SLC25A41: variants seen among roughly 807,000 people sequenced by gnomAD.
SLC25A41 encodes solute carrier family 25 member 41.
In SLC25A41, 35 loss-of-function variants were observed where a neutral mutation model predicts 34.7. The observed-to-expected ratio is 1.01, with a 90% confidence interval of 0.77 to 1.34. The LOEUF (loss-of-function observed/expected upper bound fraction) is 1.34, where lower values mean the gene tolerates loss of function less well. SLC25A41 is among the 40% of genes most tolerant of loss of function. The pLI is 0.00. For missense variants in SLC25A41, 492 were observed against 489.8 expected (o/e 1.00, Z -0.04); for synonymous variants, 190 against 209.9 (o/e 0.91, Z 0.82).
In SLC25A41 at chr19:6,433,641, A is replaced by G; in HGVS notation, c.53T>C (p.Leu18Pro). 2 of 1,605,586 alleles carry G rather than the reference A, an allele frequency of 1.2e-6. No individual in the cohort carries two copies. The highest frequency in any genetic ancestry group is 1.7e-6 in the Non-Finnish European group (2 of 1,174,498). The stretch of plus-strand genomic sequence containing the variant: ...GAGTAAGGTCTTGACCCTCCTAAAC[A>G]GTGTCTGGATCCTAGAGCAAGTGTT... Reference protein sequence around the residue: ...PQNTCSRIQTLFRRVKTLLIK... With the variant: ...PQNTCSRIQTPFRRVKTLLIK... Residue 18 changes from leucine (L) to proline (P), a missense_variant, in exon 1 of 7, where the codon CTG becomes CCG. By Grantham distance (98) the Leu-to-Pro change is moderately conservative. Transcript: ENST00000321510.
chr19:6,433,625 C>T lies in SLC25A41; in HGVS notation c.69G>A (p.Lys23=). ...GAGGCGGGGCTTTGATGAGTAAGGT[C>T]TTGACCCTCCTAAACAGTGTCTGGA... ...SRIQTLFRRV[K]TLLIKAPPPP... The change falls in exon 1 of 7, where the codon AAG becomes AAA. Residue 23 remains lysine, a synonymous_variant. Transcript: ENST00000321510. The T allele has an allele frequency of 6.2e-7, 1 of 1,610,836 alleles. No homozygotes were observed. Among genetic ancestry groups the T allele is most frequent in the Non-Finnish European group, 8.5e-7 (1 of 1,178,398 alleles).
At position 6,427,541 on chromosome 19, in the gene SLC25A41, T is replaced by G; in HGVS notation, c.625-40A>C. The stretch of plus-strand genomic sequence containing the variant: ...GAACAAGGCAGCTCATTTGATTGAA[T>G]CCTGTCAATGACCCTCGGGGTAGCC... On this transcript the variant is annotated intron_variant, in intron 4 of 6. Transcript: ENST00000321510. The surrounding 1 kb of genome is among the most constrained non-coding windows in gnomAD (Gnocchi z 4.9). 1 of 1,460,854 alleles carries G rather than the reference T, an allele frequency of 6.8e-7. No homozygotes were observed. 90.5% of individuals were successfully genotyped at this position (1,460,854 alleles called of 1,614,324 possible).
rs1021544026 is a variant in SLC25A41 at position 6,430,097 on chromosome 19, C to T, written c.428G>A (p.Gly143Asp). The T allele has an allele frequency of 5.6e-6, 9 of 1,613,360 alleles. No individual in the cohort carries two copies. In the Admixed American group the frequency reaches 1.3e-4, roughly 24 times the overall value. Residue 143 changes from glycine to aspartate, a missense_variant, in exon 3 of 7, where the codon GGC becomes GAC. By Grantham distance (94) the Gly-to-Asp change is moderately conservative (BLOSUM62 -1). Coordinates refer to ENST00000321510, the MANE Select transcript of SLC25A41 (RefSeq NM_173637.4). ...GCCCCGCCACAGGGAGCGGAAGCCG[C>T]CCTCCTGGACCATGCTCTGTAGCCC... The part of the protein sequence containing the change: ...LGGLQSMVQE[G>D]GFRSLWRGNG...
At chr19:6,431,187 A>G (rs1023509745) in intron 2 of SLC25A41, among the ~76,000 whole-genome samples, 1 of 151,676 alleles carries the variant, frequency 6.6e-6, no homozygotes, top group African/African-American at 2.4e-5. Flanking sequence ...TATATTGCCC[A>G]GCTGGTCTCA....
chr19:6,435,634 A>T (rs1302761018), upstream of SLC25A41, among the ~76,000 whole-genome samples: 1 of 152,058 alleles, frequency 6.6e-6, no homozygotes, highest in African/African-American at 2.4e-5. Context: ...AGGCGGGAGG[A>T]TCACTTGAGT....
chr19:6,427,336 C>T lies in SLC25A41; in HGVS notation c.790G>A (p.Glu264Lys). Residue 264 changes from glutamate to lysine, a missense_variant and splice_region_variant, in exon 5 of 7, where the codon GAG (glutamate) becomes AAG (lysine). Glu to Lys is a moderately conservative substitution (Grantham distance 56). Coordinates refer to ENST00000321510, the MANE Select transcript of SLC25A41 (RefSeq NM_173637.4). The surrounding 1 kb of genome is among the most constrained non-coding windows in gnomAD (Gnocchi z 4.9). ...PYACTDLAVY[E>K]MLQCFWVKSG... is the part of the protein sequence containing the mutation. ...CACCCCCTCTGCAGGACCCATACCT[C>T]ATAGACAGCCAGGTCGGTGCAGGCA... 1 of 1,605,804 alleles carries T rather than the reference C, an allele frequency of 6.2e-7. No homozygotes were observed. The highest frequency in any genetic ancestry group is 1.7e-5 in the Admixed American group (1 of 59,596).
chr19:6,427,934 C>T lies in SLC25A41; in HGVS notation c.625-433G>A, dbSNP rs2092251646. Among the ~76,000 whole-genome samples, 2 of 152,144 alleles carry T rather than the reference C, an allele frequency of 1.3e-5. No homozygotes were observed. Among genetic ancestry groups the T allele is most frequent in the Non-Finnish European group, 2.9e-5 (2 of 68,026 alleles). Reference sequence around the variant, plus strand: ...GAAGGGAGGCGAGAAAACATGCCCTCAAGCCTCAAAAATTGAAGACAGCTG... The same window carrying T: ...GAAGGGAGGCGAGAAAACATGCCCTTAAGCCTCAAAAATTGAAGACAGCTG... On this transcript the variant is annotated intron_variant, in intron 4 of 6. Coordinates refer to ENST00000321510, the MANE Select transcript of SLC25A41 (RefSeq NM_173637.4). This position sits in a 1 kb window ranked among gnomAD's most constrained non-coding sequence, Gnocchi z 4.9.
chr19:6,433,446 C>T (rs764488245), intron 1 of SLC25A41, 41 bp downstream of exon 1: 1 of 1,595,104 alleles, frequency 6.3e-7, no homozygotes, highest in Admixed American at 1.7e-5. Flanking sequence ...CCCTGTAGTC[C>T]TGACCAGAGG....
At chr19:6,429,096 TAC>T (rs375199979) in intron 4 of SLC25A41, among the ~76,000 whole-genome samples, 633 of 16,458 alleles carry the variant, frequency 0.038, 171 homozygotes, top group African/African-American at 0.18. Flanking sequence ...ATATATATGT[TAC>T]ATATATATAT....
At position 6,426,207 on chromosome 19, in the gene SLC25A41, C is replaced by T. The variant is rs1237238326; in HGVS notation, c.*182G>A. On this transcript the variant is annotated 3_prime_UTR_variant, in exon 7 of 7. Transcript: ENST00000321510. ...TGACCCAGCACTGCCCCCCTCCACC[C>T]ACCACCAACCCCAGCTTCAGGAATC... 6.4e-6 allele frequency: 4 copies of T among 628,990 alleles called. No homozygotes were observed. The African/African-American group carries it at 7.4e-5, about 12-fold the overall frequency. 39.0% of individuals were successfully genotyped at this position (628,990 alleles called of 1,614,324 possible).
At chr19:6,430,611 C>G (rs1188511889) in intron 2 of SLC25A41, 1 of 322,948 alleles carries the variant, frequency 3.1e-6, no homozygotes, top group Non-Finnish European at 6.1e-6. Flanking sequence ...CCTCAGCCTC[C>G]CGAGTAGCTG....
rs1257789028 is a variant in SLC25A41 at position 6,426,535 on chromosome 19, T to A, written c.967A>T (p.Met323Leu). The A allele has an allele frequency of 6.2e-7, 1 of 1,613,160 alleles. No individual in the cohort carries two copies. The highest frequency in any genetic ancestry group is 8.5e-7 in the Non-Finnish European group (1 of 1,179,766). ...QDTVEGSNPT[M>L]RGVLQRILAQ... ...AGGATCCGCTGGAGGACTCCGCGCATGGTGGGATTTGAGCCCTCCACGGTA... is the reference window on the plus strand; with the variant it reads ...AGGATCCGCTGGAGGACTCCGCGCAAGGTGGGATTTGAGCCCTCCACGGTA... Residue 323 changes from methionine (M) to leucine (L), a missense_variant, in exon 7 of 7, where the codon ATG (methionine) becomes TTG (leucine). Met to Leu is a conservative substitution (Grantham distance 15, BLOSUM62 2). Coordinates refer to ENST00000321510, the MANE Select transcript of SLC25A41 (RefSeq NM_173637.4).
In SLC25A41 at chr19:6,426,495, CA is replaced by C; in HGVS notation, c.1006del (p.Trp336GlyfsTer2). The C allele has an allele frequency of 6.2e-7, 1 of 1,613,624 alleles. No individual in the cohort carries two copies. Among genetic ancestry groups the C allele is most frequent in the Non-Finnish European group, 8.5e-7 (1 of 1,179,846 alleles). On this transcript the variant is annotated frameshift_variant, in exon 7 of 7. Transcript: ENST00000321510. LOFTEE classifies it high-confidence loss of function. ...VLQRILAQQG[W>X]LGLYRGMTPT... ...GGTCATGCCTCGGTACAGCCCTAGC[CA>C]GCCCTGCTGGGCCAGGATCCGCTGG...
chr19:6,432,463 A>G (rs2092289739), intron 1 of SLC25A41, among the ~76,000 whole-genome samples: 1 of 136,158 alleles, frequency 7.3e-6, no homozygotes, highest in African/African-American at 2.8e-5. Context: ...GGCATGCACC[A>G]CAACACCTAA....
chr19:6,433,359 C>T lies in SLC25A41; in HGVS notation c.207+128G>A, dbSNP rs531890704. On this transcript the variant is annotated intron_variant, in intron 1 of 6. Transcript: ENST00000321510. The stretch of plus-strand genomic sequence containing the variant: ...GCCATCGCGCCCTGCCTCCCTGCCC[C>T]ACCCTGCTTCAAGGTGGAATTCTAG... 54 of 945,322 alleles carry T rather than the reference C, an allele frequency of 5.7e-5. No homozygotes were observed. The African/African-American group carries it at 6.6e-4, about 12-fold the overall frequency. 58.6% of individuals were successfully genotyped at this position (945,322 alleles called of 1,614,324 possible). A position where few individuals can be genotyped will look rare whatever the true frequency, so the allele number is the denominator to read the frequency against.
In SLC25A41 at chr19:6,427,123, C is replaced by T. The variant is rs371218043; in HGVS notation, c.920G>A (p.Arg307His). ...CTGACCTTGGGCCTGCATCCTGGTGCGCACCAGAGTCAGTGGGTAGCTGGC... is the reference window on the plus strand; with the variant it reads ...CTGACCTTGGGCCTGCATCCTGGTGTGCACCAGAGTCAGTGGGTAGCTGGC... ...QMASYPLTLV[R>H]TRMQAQDTVE... Residue 307 changes from arginine to histidine, a missense_variant, in exon 6 of 7, where the codon CGC (arginine) becomes CAC (histidine). Transcript: ENST00000321510. The surrounding 1 kb of genome is among the most constrained non-coding windows in gnomAD (Gnocchi z 4.9). The T allele has an allele frequency of 8.8e-5, 142 of 1,605,406 alleles. No individual in the cohort carries two copies. Among genetic ancestry groups the T allele is most frequent in the Middle Eastern group, 1.7e-4 (1 of 5,996 alleles).
Position 6,427,036 on chromosome 19 carries a change from G to A in SLC25A41, c.940+67C>T. On this transcript the variant is annotated intron_variant, in intron 6 of 6. Transcript: ENST00000321510. The surrounding 1 kb of genome is among the most constrained non-coding windows in gnomAD (Gnocchi z 4.9). ...TGCCGGACTCAGTTTTGGGGTATGA[G>A]AAAATTGAGACAGCCAGGGTGGGGC... The A allele has an allele frequency of 6.6e-7, 1 of 1,521,472 alleles. No individual in the cohort carries two copies. Among genetic ancestry groups the A allele is most frequent in the Admixed American group, 2.0e-5 (1 of 50,238 alleles). The allele number at this position is 1,521,472 out of a possible 1,614,324, so 94.2% of individuals were successfully genotyped here. A position where few individuals can be genotyped will look rare whatever the true frequency, so the allele number is the denominator to read the frequency against.
chr19:6,430,036 A>T lies in SLC25A41; in HGVS notation c.489T>A (p.Tyr163Ter), dbSNP rs1013043276. ...GINVLKIAPE[Y>*]AIKFSVFEQC... ...GCTCGAATACGGAGAACTTGATGGC[A>T]TACTCAGGAGCAATCTTGAGCACGT... Residue 163 changes from tyrosine (Y) to a stop codon, truncating the protein, a stop_gained, in exon 3 of 7, where the codon TAT becomes TAA. Transcript: ENST00000321510. LOFTEE classifies it high-confidence loss of function. The T allele has an allele frequency of 6.2e-7, 1 of 1,612,542 alleles. No homozygotes were observed. The highest frequency in any genetic ancestry group is 8.5e-7 in the Non-Finnish European group (1 of 1,179,330).
At chr19:6,435,050 CCT>C (rs144843039), upstream of SLC25A41, among the ~76,000 whole-genome samples, 1,232 of 151,484 alleles carry the variant, frequency 8.1e-3, 13 homozygotes, top group African/African-American at 0.028. Flanking sequence ...TGGCCAGACC[CCT>C]GTCTCTATAA....
Sources: gnomAD v4.1 joint callset for allele counts (sites outside exome capture counted in the v4.1 genomes callset) on GRCh38, gnomAD v4.1.1 for gene constraint, Gnocchi (gnomAD v3.1) non-coding constraint, MANE v1.5 for transcripts, NCBI Gene and HGNC (gene_info 2026-07-23, HGNC 2026-07-21) for gene names.